Variants in FAM20C observed in about 807,000 individuals in gnomAD.
FAM20C encodes the protein extracellular serine/threonine protein kinase FAM20C.
In FAM20C, 40 loss-of-function variants were observed where a neutral mutation model predicts 51.5. The observed-to-expected ratio is 0.78, with a 90% CI of 0.60 to 1.01. FAM20C has a LOEUF of 1.01. Ranked by LOEUF, FAM20C falls within the 50% of genes least tolerant of loss-of-function variation. FAM20C has a pLI of 0.00. For missense variants in FAM20C, 861 were observed against 844.7 expected, an observed-to-expected ratio of 1.02 and a Z score of -0.24; for synonymous variants, 406 against 380.6, an observed-to-expected ratio of 1.07 and a Z score of -0.78.
chr7:248,275 CGCACAGA>C, intron 4 of FAM20C, 33 bp from the exon 5 acceptor site: 1 of 1,447,428 alleles, frequency 6.9e-7, no homozygotes, highest in Non-Finnish European at 9.3e-7. Flanking sequence ...CCCGCTGAGC[CGCACAGA>C]GCACAGACCA....
chr7:234,938 T>G (rs1295257029), intron 3 of FAM20C, among the ~76,000 whole-genome samples: 1 of 152,092 alleles, frequency 6.6e-6, no homozygotes, highest in East Asian at 1.9e-4. Context: ...CCCTCTCAGC[T>G]GCGTTGCAAC....
At chr7:234,088 G>A (rs1201070428) in intron 3 of FAM20C, among the ~76,000 whole-genome samples, 2 of 152,332 alleles carry the variant, frequency 1.3e-5, no homozygotes, top group East Asian at 3.9e-4. Flanking sequence ...TGCCTTTCTG[G>A]TGCCCTTTGA....
intron 3 of FAM20C, among the ~76,000 whole-genome samples, chr7:235,131 T>C (rs1787810636): frequency 6.6e-6 from 1 of 151,860 alleles, no homozygotes; most frequent in South Asian, 2.1e-4. Flanking sequence ...GGCTGCGGCA[T>C]TTTCAAACTG....
intron 3 of FAM20C, among the ~76,000 whole-genome samples, chr7:215,347 AGAGGATGGGGCTGGGTGG>A (rs1786919293): frequency 2.9e-4 from 1 of 3,474 alleles, no homozygotes; most frequent in African/African-American, 1.6e-3. Context: ...TGGTGTATGG[AGAGGATGGGGCTGGGTGG>A]GGGGAGCAGG....
At chr7:202,851 C>T (rs555954235) in intron 2 of FAM20C, among the ~76,000 whole-genome samples, 2 of 152,284 alleles carry the variant, frequency 1.3e-5, no homozygotes, top group African/African-American at 2.4e-5. Flanking sequence ...ATAGCGAGGA[C>T]GGGTGGCCAT....
intron 2 of FAM20C, among the ~76,000 whole-genome samples, chr7:200,698 A>G (rs1271433113): frequency 1.3e-5 from 2 of 152,198 alleles, no homozygotes; most frequent in African/African-American, 4.8e-5. Context: ...GGAATAAATA[A>G]CAGTCTGGGG....
At chr7:207,724 C>T (rs1018028146) in intron 2 of FAM20C, among the ~76,000 whole-genome samples, 1 of 152,240 alleles carries the variant, frequency 6.6e-6, no homozygotes, top group African/African-American at 2.4e-5. Context: ...CAATCCCCCG[C>T]GTGGCCCGGA....
At position 192,832 on chromosome 7, in the gene FAM20C, G is replaced by T. The variant is rs1785622797; in HGVS notation, c.-368G>T. 2 of 144,072 alleles carry T rather than the reference G, an allele frequency of 1.4e-5. 1 individual carries two copies. Among genetic ancestry groups the T allele is most frequent in the South Asian group, 4.4e-4 (2 of 4,574 alleles). 8.9% of individuals were successfully genotyped at this position (144,072 alleles called of 1,614,324 possible). The stretch of plus-strand genomic sequence containing the variant: ...CCACCGCCCAGGCCCGTCGCGCCCC[G>T]GCCGGGATGGACCCACACGCCCGAT... On this transcript the variant is annotated 5_prime_UTR_variant, in exon 1 of 10. Transcript: ENST00000313766.
intron 9 of FAM20C, among the ~76,000 whole-genome samples, chr7:259,397 C>T (rs1583349078): frequency 2.3e-5 from 2 of 88,662 alleles, no homozygotes; most frequent in African/African-American, 5.2e-5. Context: ...GGTGTTGGAT[C>T]GCAGGCCCCT....
At chr7:254,227 G>A (rs777236508) in intron 5 of FAM20C, among the ~76,000 whole-genome samples, 12 of 152,284 alleles carry the variant, frequency 7.9e-5, no homozygotes, top group South Asian at 4.1e-4. Flanking sequence ...AGCCGGGACC[G>A]GCCACCCTCC....
At position 193,616 on chromosome 7, in the gene FAM20C, G is replaced by T. The variant is rs1237465964; in HGVS notation, c.417G>T (p.Leu139=). ...LRPHDPAHRP[L]LRDPGPRRSE... is the part of the protein sequence containing the mutation. The stretch of plus-strand genomic sequence containing the variant: ...CCCACGACCCCGCGCACCGGCCGCT[G>T]CTGCGAGACCCCGGCCCGCGTCGGT... Residue 139 remains leucine (L), a synonymous_variant, in exon 1 of 10, where the codon CTG becomes CTT. Transcript: ENST00000313766. 2.6e-5 allele frequency: 40 copies of T among 1,536,662 alleles called. No individual in the cohort carries two copies. The East Asian group carries it at 9.6e-4, about 37-fold the overall frequency.
intron 3 of FAM20C, among the ~76,000 whole-genome samples, chr7:242,509 CGGTGCACTGGG>C: frequency 6.6e-6 from 1 of 151,588 alleles, no homozygotes; most frequent in South Asian, 2.1e-4. Context: ...CAGCACTGTT[CGGTGCACTGGG>C]GGCAGGGCCA....
chr7:231,943 C>T (rs925984780), intron 3 of FAM20C, among the ~76,000 whole-genome samples: 24 of 152,194 alleles, frequency 1.6e-4, no homozygotes, highest in African/African-American at 5.3e-4. Flanking sequence ...CCTCCGGCCC[C>T]AGCACCCGCC....
intron 5 of FAM20C, among the ~76,000 whole-genome samples, chr7:250,532 G>T (rs1233872763): frequency 6.6e-6 from 1 of 152,186 alleles, no homozygotes; most frequent in African/African-American, 2.4e-5. Flanking sequence ...TTGGCTCACA[G>T]ACAATTCAGT....
intron 9 of FAM20C, 22 bp downstream of exon 9, chr7:258,727 G>A (rs1277617727): frequency 3.3e-6 from 5 of 1,529,692 alleles, no homozygotes; most frequent in Admixed American, 3.9e-5. Flanking sequence ...GCCGGAGCCG[G>A]CTCCAGCTCC....
At chr7:226,798 T>C (rs891859705) in intron 3 of FAM20C, among the ~76,000 whole-genome samples, 1 of 152,358 alleles carries the variant, frequency 6.6e-6, no homozygotes, top group African/African-American at 2.4e-5. Context: ...ACCTGGCAGC[T>C]AGACATTTCT....
intron 5 of FAM20C, among the ~76,000 whole-genome samples, chr7:254,755 C>G (rs1562398674): frequency 6.6e-6 from 1 of 152,218 alleles, no homozygotes; most frequent in Non-Finnish European, 1.5e-5. Flanking sequence ...CAGGCGGTCA[C>G]CGTTCCTCAC....
At chr7:243,944 A>AATAATAATAATAATTATT (rs771341264) in intron 3 of FAM20C, among the ~76,000 whole-genome samples, 34 of 136,840 alleles carry the variant, frequency 2.5e-4, no homozygotes, top group African/African-American at 8.2e-4. Flanking sequence ...TAATAATAAT[A>AATAATAATAATAATTATT]ATTATTATTA....
intron 7 of FAM20C, 63 bp downstream of exon 7, chr7:256,826 G>C: frequency 6.9e-7 from 1 of 1,452,352 alleles, no homozygotes; most frequent in East Asian, 2.5e-5. Context: ...GATGCACGCA[G>C]GGCTCTGCAG....
Sources: gnomAD v4.1 joint callset for allele counts (sites outside exome capture counted in the v4.1 genomes callset) on GRCh38, gnomAD v4.1.1 for gene constraint, MANE v1.5 for transcripts, NCBI Gene and HGNC (gene_info 2026-07-23, HGNC 2026-07-21) for gene names.